Variants in OLFM3 observed in about 807,000 individuals in gnomAD.
OLFM3 encodes olfactomedin 3, also known as noelin-3.
A neutral mutation model predicts 48.6 loss-of-function variants in OLFM3; 20 were observed. The observed-to-expected ratio is 0.41, with a 90% CI of 0.29 to 0.60. The LOEUF (loss-of-function observed/expected upper bound fraction) is 0.60. OLFM3 is among the 20% of genes least tolerant of loss of function. The pLI, the probability that OLFM3 is intolerant of heterozygous loss-of-function variation, is 0.28. For missense variants in OLFM3, 437 were observed against 544.3 expected (o/e 0.80, Z 1.96); for synonymous variants, 222 against 198.1 (o/e 1.12, Z -1.01).
At chr1:101,839,616 C>T (rs182451921) in intron 1 of OLFM3, among the ~76,000 whole-genome samples, 22 of 152,268 alleles carry the variant, frequency 1.4e-4, no homozygotes, top group Middle Eastern at 6.8e-3. Context: ...TAACAGCAGT[C>T]CAAACACTGA....
At chr1:101,931,793 G>A (rs1659451837) in intron 1 of OLFM3, among the ~76,000 whole-genome samples, 1 of 152,146 alleles carries the variant, frequency 6.6e-6, no homozygotes, top group African/African-American at 2.4e-5. Context: ...GGGGTAACCT[G>A]AATTTTCCAT....
At chr1:101,864,701 G>C (rs1210176774) in intron 1 of OLFM3, among the ~76,000 whole-genome samples, 1 of 152,128 alleles carries the variant, frequency 6.6e-6, no homozygotes, top group Non-Finnish European at 1.5e-5. Context: ...AACCAGAACA[G>C]ATCAAGAGAC....
At chr1:101,828,034 G>C (rs898071967) in intron 3 of OLFM3, among the ~76,000 whole-genome samples, 4,914 of 76,180 alleles carry the variant, frequency 0.065, 193 homozygotes, top group Admixed American at 0.1. Context: ...CTCTCTCTCT[G>C]TCTGTCTGTC....
At chr1:101,815,442 G>A (rs934551750) in intron 4 of OLFM3, among the ~76,000 whole-genome samples, 61 of 128,606 alleles carry the variant, frequency 4.7e-4, no homozygotes, top group African/African-American at 1.7e-3. Flanking sequence ...ACAAGACTCC[G>A]TCTCAAAAAA....
intron 4 of OLFM3, among the ~76,000 whole-genome samples, chr1:101,821,583 G>A (rs1321204653): frequency 6.6e-6 from 1 of 151,990 alleles, no homozygotes; most frequent in Non-Finnish European, 1.5e-5. Context: ...TCAATAAGTG[G>A]TTAATTGACC....
At chr1:101,990,628 G>T (rs187442857) in intron 1 of OLFM3, among the ~76,000 whole-genome samples, 241 of 152,084 alleles carry the variant, frequency 1.6e-3, no homozygotes, top group Non-Finnish European at 3.0e-3. Flanking sequence ...ACACTGATTT[G>T]GAAGTACAAA....
intron 1 of OLFM3, among the ~76,000 whole-genome samples, chr1:101,956,025 G>T (rs1002081368): frequency 6.9e-6 from 1 of 145,956 alleles, no homozygotes. Flanking sequence ...ACCAAATTCT[G>T]TCAGTTTTAC....
chr1:101,823,802 A>C (rs1419765901), intron 4 of OLFM3, among the ~76,000 whole-genome samples: 1 of 151,980 alleles, frequency 6.6e-6, no homozygotes, highest in Non-Finnish European at 1.5e-5. Context: ...AGGAGGAATA[A>C]AGAACTGAGG....
chr1:101,924,909 T>A (rs540843780), intron 1 of OLFM3, among the ~76,000 whole-genome samples: 1 of 152,138 alleles, frequency 6.6e-6, no homozygotes, highest in South Asian at 2.1e-4. Flanking sequence ...TACCCAAGAA[T>A]GTTGAAGGCA....
At chr1:101,948,405 T>C (rs1001234007) in intron 1 of OLFM3, among the ~76,000 whole-genome samples, 2 of 152,132 alleles carry the variant, frequency 1.3e-5, no homozygotes, top group Non-Finnish European at 2.9e-5. Flanking sequence ...TTTAAGGAAG[T>C]AGATGACACT....
chr1:101,839,957 A>G (rs1184818232), intron 1 of OLFM3, among the ~76,000 whole-genome samples: 1 of 152,206 alleles, frequency 6.6e-6, no homozygotes, highest in African/African-American at 2.4e-5. Flanking sequence ...AAAGAGGAAA[A>G]AACCTAATAG....
chr1:101,835,486 G>T (rs1655358659), intron 2 of OLFM3, among the ~76,000 whole-genome samples: 1 of 152,084 alleles, frequency 6.6e-6, no homozygotes, highest in Non-Finnish European at 1.5e-5. Context: ...AGTTAATTTT[G>T]GATTTTTAGT....
At chr1:101,966,332 TGTGTGTGTGTGTGTGTGTGC>T (rs1359288543) in intron 1 of OLFM3, among the ~76,000 whole-genome samples, 1 of 138,962 alleles carries the variant, frequency 7.2e-6, no homozygotes, top group Non-Finnish European at 1.6e-5. Context: ...TGTGTGTGTG[TGTGTGTGTGTGTGTGTGTGC>T]GCTACAGATA....
At chr1:101,933,826 A>C (rs1659530572) in intron 1 of OLFM3, among the ~76,000 whole-genome samples, 1 of 152,246 alleles carries the variant, frequency 6.6e-6, no homozygotes. Flanking sequence ...TCTTAAAGAA[A>C]AAAAAAATCC....
intron 1 of OLFM3, among the ~76,000 whole-genome samples, chr1:101,979,342 TCTCAC>T: frequency 6.6e-6 from 1 of 152,136 alleles, no homozygotes; most frequent in African/African-American, 2.4e-5. Context: ...CCCACCTAAA[TCTCAC>T]CTCGAATTGT....
intron 4 of OLFM3, among the ~76,000 whole-genome samples, chr1:101,807,435 A>G (rs991671318): frequency 6.6e-6 from 1 of 151,718 alleles, no homozygotes; most frequent in African/African-American, 2.4e-5. Flanking sequence ...TTTAGAATTG[A>G]TCAATTTCTA....
At chr1:101,923,920 A>T (rs776920114) in intron 1 of OLFM3, among the ~76,000 whole-genome samples, 4 of 152,158 alleles carry the variant, frequency 2.6e-5, no homozygotes, top group Non-Finnish European at 4.4e-5. Context: ...TAACTGTGAT[A>T]ACAGAAACTT....
chr1:101,959,953 C>T (rs1456911562), intron 1 of OLFM3, among the ~76,000 whole-genome samples: 1 of 152,174 alleles, frequency 6.6e-6, no homozygotes, highest in South Asian at 2.1e-4. Context: ...AATGCCTCAT[C>T]ATATAACACG....
At chr1:101,956,103 T>TTTTTTTTTTTTTTTAA (rs781231551) in intron 1 of OLFM3, among the ~76,000 whole-genome samples, 10 of 143,356 alleles carry the variant, frequency 7.0e-5, no homozygotes, top group African/African-American at 2.1e-4. Context: ...TTTTTTTTTT[T>TTTTTTTTTTTTTTTAA]AAAAAAAACC....
Sources: allele counts gnomAD v4.1 joint callset (sites outside exome capture counted in the v4.1 genomes callset), GRCh38; gene constraint gnomAD v4.1.1; transcripts MANE v1.5; gene names NCBI Gene and HGNC (gene_info 2026-07-23, HGNC 2026-07-21).